Variants in PDE1C observed in about 807,000 individuals in gnomAD.
PDE1C encodes phosphodiesterase 1C.
A neutral mutation model predicts 93.1 loss-of-function variants in PDE1C; 62 were observed. The ratio of observed to expected loss-of-function variants is 0.67; its 90% confidence interval spans 0.54 to 0.82. PDE1C has a LOEUF of 0.82. Ranked by LOEUF, PDE1C falls within the 40% of genes least tolerant of loss-of-function variation. The pLI is 0.00. For missense variants in PDE1C, 742 were observed against 884.6 expected (o/e 0.84, Z 2.04); for synonymous variants, 325 against 310.1 (o/e 1.05, Z -0.50).
intron 3 of PDE1C, among the ~76,000 whole-genome samples, chr7:32,151,460 G>C (rs1801253585): frequency 6.6e-6 from 1 of 152,136 alleles, no homozygotes; most frequent in African/African-American, 2.4e-5. Context: ...GAAATGGTGG[G>C]AATATTTATA....
intron 1 of PDE1C, among the ~76,000 whole-genome samples, chr7:32,415,101 G>A (rs1785247189): frequency 6.6e-6 from 1 of 152,122 alleles, no homozygotes; most frequent in South Asian, 2.1e-4. Flanking sequence ...AGGATCGCTT[G>A]AGGCCAAGTA....
intron 1 of PDE1C, among the ~76,000 whole-genome samples, chr7:32,221,868 A>C (rs1806894345): frequency 6.6e-6 from 1 of 152,206 alleles, no homozygotes; most frequent in East Asian, 1.9e-4. Context: ...CACCCCTCTC[A>C]ACTGGCATTC....
intron 3 of PDE1C, among the ~76,000 whole-genome samples, chr7:32,082,250 T>G (rs1358475583): frequency 6.6e-6 from 1 of 152,252 alleles, no homozygotes; most frequent in Admixed American, 6.5e-5. Context: ...CCACGGAGTC[T>G]CGCTGATTGC....
chr7:31,767,867 A>G (rs753466877), intron 17 of PDE1C, among the ~76,000 whole-genome samples: 5 of 152,160 alleles, frequency 3.3e-5, no homozygotes, highest in Non-Finnish European at 5.9e-5. Flanking sequence ...GGTCTCTTTC[A>G]TAAGGTCGTT....
chr7:31,675,371 G>A, the PDE1C span, among the ~76,000 whole-genome samples: 4 of 152,082 alleles, frequency 2.6e-5, no homozygotes, highest in African/African-American at 2.4e-5. Context: ...ACTCCTGGAG[G>A]CTAATGTAGA....
intron 1 of PDE1C, among the ~76,000 whole-genome samples, chr7:32,214,345 C>G (rs1056604320): frequency 7.2e-5 from 11 of 152,230 alleles, no homozygotes; most frequent in African/African-American, 2.6e-4. Context: ...ATCTCTTACC[C>G]CTCTCTCCAG....
At chr7:32,232,237 T>A (rs1009382461) in intron 1 of PDE1C, among the ~76,000 whole-genome samples, 1 of 152,180 alleles carries the variant, frequency 6.6e-6, no homozygotes, top group African/African-American at 2.4e-5. Context: ...GCAATCCAAA[T>A]GGACATCAGC....
intron 3 of PDE1C, among the ~76,000 whole-genome samples, chr7:32,121,955 T>A (rs1292783054): frequency 6.6e-6 from 1 of 152,152 alleles, no homozygotes; most frequent in Admixed American, 6.5e-5. Context: ...GACCCATTGG[T>A]GTGCTATATT....
chr7:32,213,054 T>A (rs1019904235), intron 1 of PDE1C, among the ~76,000 whole-genome samples: 46 of 152,302 alleles, frequency 3.0e-4, no homozygotes, highest in African/African-American at 1.1e-3. Flanking sequence ...GTACAGTGAC[T>A]ATGCATTCAG....
At chr7:32,147,272 AAAAGAAAGAAAGAAAGAAAG>A (rs3078683) in intron 3 of PDE1C, among the ~76,000 whole-genome samples, 2,328 of 96,654 alleles carry the variant, frequency 0.024, 62 homozygotes, top group Admixed American at 0.048. Flanking sequence ...AAGAAAGAAA[AAAAGAAAGAAAGAAAGAAAG>A]AAAGAAAGAA....
chr7:31,704,215 A>T, the PDE1C span, among the ~76,000 whole-genome samples: 1 of 152,210 alleles, frequency 6.6e-6, no homozygotes, highest in African/African-American at 2.4e-5. Flanking sequence ...TGAAAGTGAC[A>T]CATATTCTGT....
chr7:31,835,716 T>C (rs1791009393), intron 11 of PDE1C, among the ~76,000 whole-genome samples: 1 of 152,028 alleles, frequency 6.6e-6, no homozygotes. Flanking sequence ...GAGAAGCAAT[T>C]TGATTAGACT....
intron 6 of PDE1C, among the ~76,000 whole-genome samples, chr7:31,869,673 T>A (rs1795697479): frequency 6.6e-6 from 1 of 152,060 alleles, no homozygotes; most frequent in Non-Finnish European, 1.5e-5. Context: ...CAATAATAGT[T>A]TGAGACTTCA....
chr7:31,817,479 C>T (rs74881208), intron 14 of PDE1C, among the ~76,000 whole-genome samples: 542 of 152,208 alleles, frequency 3.6e-3, no homozygotes, highest in African/African-American at 0.013. Flanking sequence ...GGTGGCATTG[C>T]ATTATGGAGA....
chr7:32,212,040 A>AG (rs1456395146), intron 1 of PDE1C, among the ~76,000 whole-genome samples: 1 of 151,454 alleles, frequency 6.6e-6, no homozygotes, highest in African/African-American at 2.4e-5. Flanking sequence ...AAAAAAAAAA[A>AG]AAAAAGAAAG....
intron 1 of PDE1C, among the ~76,000 whole-genome samples, chr7:32,353,809 T>G (rs986779075): frequency 6.6e-6 from 1 of 152,160 alleles, no homozygotes; most frequent in Non-Finnish European, 1.5e-5. Context: ...TTTGTCTTAT[T>G]TTAGAAATAT....
chr7:32,383,941 C>G (rs1784579365), intron 1 of PDE1C, among the ~76,000 whole-genome samples: 1 of 152,164 alleles, frequency 6.6e-6, no homozygotes, highest in Admixed American at 6.5e-5. Context: ...GTTCCCATTG[C>G]CTTCATTCCC....
At chr7:31,781,043 G>A (rs1372506018) in intron 16 of PDE1C, among the ~76,000 whole-genome samples, 1 of 152,148 alleles carries the variant, frequency 6.6e-6, no homozygotes, top group African/African-American at 2.4e-5. Context: ...TCAAATTAAT[G>A]TCCTTGTTTG....
the PDE1C span, chr7:31,653,007 T>G: frequency 1.4e-6 from 2 of 1,417,186 alleles, no homozygotes; most frequent in Non-Finnish European, 1.8e-6. Context: ...ACTCATTCAG[T>G]ATAGAATAAC....
Sources: allele counts gnomAD v4.1 joint callset (sites outside exome capture counted in the v4.1 genomes callset), GRCh38; gene constraint gnomAD v4.1.1; transcripts MANE v1.5; gene names NCBI Gene and HGNC (gene_info 2026-07-23, HGNC 2026-07-21).